The following LHFPL6 variants were observed in gnomAD, a reference collection of about 807,000 sequenced individuals.
LHFPL6 encodes LHFPL tetraspan subfamily member 6, also known as LHFPL tetraspan subfamily member 6 protein.
LHFPL6 carries 9 observed loss-of-function variants against 20.6 expected under a neutral mutation model. The observed-to-expected ratio is 0.44, with a 90% confidence interval of 0.26 to 0.76. LHFPL6 has a LOEUF of 0.76. LHFPL6 is among the 30% of genes least tolerant of loss of function. LHFPL6 has a pLI of 0.20. For missense variants in LHFPL6, 218 were observed against 253.5 expected (o/e 0.86, Z 0.95); for synonymous variants, 105 against 98.7 (o/e 1.06, Z -0.38).
chr13:39,575,056 C>A (rs774432801), intron 2 of LHFPL6, among the ~76,000 whole-genome samples: 1 of 151,586 alleles, frequency 6.6e-6, no homozygotes, highest in Non-Finnish European at 1.5e-5. Context: ...CGCGACAGAG[C>A]AAACTCCATC....
At chr13:39,565,030 T>C (rs2138524771) in intron 2 of LHFPL6, among the ~76,000 whole-genome samples, 1 of 152,272 alleles carries the variant, frequency 6.6e-6, no homozygotes, top group Admixed American at 6.5e-5. Context: ...CATAAACATC[T>C]CTTCTACATT....
chr13:39,428,210 T>C (rs1419838488), intron 2 of LHFPL6, among the ~76,000 whole-genome samples: 3 of 152,218 alleles, frequency 2.0e-5, no homozygotes, highest in Non-Finnish European at 4.4e-5. Flanking sequence ...TCTGGCCTTA[T>C]ACATAATGCT....
intron 2 of LHFPL6, among the ~76,000 whole-genome samples, chr13:39,482,339 G>A (rs1410063329): frequency 6.6e-6 from 1 of 152,076 alleles, no homozygotes; most frequent in Non-Finnish European, 1.5e-5. Context: ...CACTACTCAG[G>A]AGGCTGAGGC....
intron 3 of LHFPL6, among the ~76,000 whole-genome samples, chr13:39,348,835 C>T (rs1376036079): frequency 6.6e-6 from 1 of 152,186 alleles, no homozygotes; most frequent in Non-Finnish European, 1.5e-5. Flanking sequence ...AGGGCAAATC[C>T]TTGTCTTGCT....
chr13:39,423,333 A>C (rs1157484432), intron 2 of LHFPL6, among the ~76,000 whole-genome samples: 1 of 152,238 alleles, frequency 6.6e-6, no homozygotes, highest in Non-Finnish European at 1.5e-5. Context: ...ATAATGCAAT[A>C]AATCTAAAGG....
rs190650506 is a variant in LHFPL6, at chr13:39,426,289, C to T, written c.386-47763G>A. On this transcript the variant is annotated intron_variant, in intron 2 of 3. Coordinates refer to ENST00000379589, the MANE Select transcript of LHFPL6 (RefSeq NM_005780.3). ...AGGCTGGAGTGCAATGGCACCATCTCGGCTCACTACAACCTCCACCTCCCG... is the reference window on the plus strand; with the variant it reads ...AGGCTGGAGTGCAATGGCACCATCTTGGCTCACTACAACCTCCACCTCCCG... 4.4e-3 allele frequency among the ~76,000 whole-genome samples: 662 copies of T among 151,128 alleles called. 3 individuals carry two copies. Among genetic ancestry groups the T allele is most frequent in the African/African-American group, 0.015 (621 of 41,164 alleles).
At chr13:39,414,011 T>C (rs1871294290) in intron 2 of LHFPL6, among the ~76,000 whole-genome samples, 1 of 152,234 alleles carries the variant, frequency 6.6e-6, no homozygotes, top group Non-Finnish European at 1.5e-5. Context: ...TTTATTTTCA[T>C]TGCTGCATAG....
At chr13:39,526,735 C>T (rs922676445) in intron 2 of LHFPL6, among the ~76,000 whole-genome samples, 4 of 152,218 alleles carry the variant, frequency 2.6e-5, no homozygotes, top group East Asian at 1.9e-4. Flanking sequence ...TCAGACACAT[C>T]GAGCTACCTC....
chr13:39,465,934 G>A (rs1872794273), intron 2 of LHFPL6, among the ~76,000 whole-genome samples: 2 of 151,992 alleles, frequency 1.3e-5, no homozygotes, highest in South Asian at 4.1e-4. Context: ...CTGAACTAGA[G>A]AGGATGGGTG....
chr13:39,409,328 C>A (rs915246029), intron 2 of LHFPL6, among the ~76,000 whole-genome samples: 2 of 152,002 alleles, frequency 1.3e-5, no homozygotes, highest in African/African-American at 4.8e-5. Context: ...GTGATGCATG[C>A]CTGTAATCCC....
chr13:39,419,570 C>T (rs2138394666), intron 2 of LHFPL6, among the ~76,000 whole-genome samples: 1 of 152,264 alleles, frequency 6.6e-6, no homozygotes, highest in East Asian at 1.9e-4. Flanking sequence ...AATGTTTTAG[C>T]TTTTACTAAA....
chr13:39,537,592 A>C (rs548766505), intron 2 of LHFPL6, among the ~76,000 whole-genome samples: 26 of 152,198 alleles, frequency 1.7e-4, no homozygotes, highest in African/African-American at 6.3e-4. Context: ...TTTAAGTCTC[A>C]ATAATTACAA....
At chr13:39,349,864 T>C (rs1869512023) in intron 3 of LHFPL6, among the ~76,000 whole-genome samples, 1 of 152,066 alleles carries the variant, frequency 6.6e-6, no homozygotes, top group Non-Finnish European at 1.5e-5. Context: ...GCAGACAGAT[T>C]TGGGTCTTGC....
chr13:39,538,938 A>C (rs976256514), intron 2 of LHFPL6, among the ~76,000 whole-genome samples: 9 of 152,150 alleles, frequency 5.9e-5, no homozygotes, highest in African/African-American at 1.2e-4. Context: ...GGTAAGAGTA[A>C]ATATTTTAGG....
intron 2 of LHFPL6, among the ~76,000 whole-genome samples, chr13:39,433,695 T>C (rs1350146087): frequency 6.6e-6 from 1 of 152,216 alleles, no homozygotes; most frequent in Non-Finnish European, 1.5e-5. Context: ...TAAGTATAAA[T>C]TGAGTGACCT....
chr13:39,575,856 G>T (rs894744427), intron 2 of LHFPL6, among the ~76,000 whole-genome samples: 1 of 152,100 alleles, frequency 6.6e-6, no homozygotes, highest in Non-Finnish European at 1.5e-5. Context: ...TCAGATTGAC[G>T]TTCAGCAGCT....
chr13:39,374,078 A>G (rs1870225396), intron 3 of LHFPL6, among the ~76,000 whole-genome samples: 1 of 152,134 alleles, frequency 6.6e-6, no homozygotes, highest in African/African-American at 2.4e-5. Flanking sequence ...TGTACCCCAC[A>G]TGTTCATCAA....
intron 2 of LHFPL6, among the ~76,000 whole-genome samples, chr13:39,575,632 A>G (rs1446519581): frequency 6.6e-6 from 1 of 152,190 alleles, no homozygotes. Context: ...GCAGTCAACT[A>G]AAGGAAAAGA....
intron 2 of LHFPL6, among the ~76,000 whole-genome samples, chr13:39,454,796 A>G (rs1346797905): frequency 6.6e-6 from 1 of 152,224 alleles, no homozygotes; most frequent in Non-Finnish European, 1.5e-5. Flanking sequence ...GAATTATTAT[A>G]CATATTCATC....
Sources: gnomAD v4.1 joint callset for allele counts (sites outside exome capture counted in the v4.1 genomes callset) on GRCh38, gnomAD v4.1.1 for gene constraint, MANE v1.5 for transcripts, NCBI Gene and HGNC (gene_info 2026-07-23, HGNC 2026-07-21) for gene names.